The following MGST1 variants were observed in gnomAD, a reference collection of about 807,000 sequenced individuals.
MGST1 encodes glutathione S-transferase 12.
A neutral mutation model predicts 8.9 loss-of-function variants in MGST1; 5 were observed. The ratio of observed to expected loss-of-function variants is 0.56; its 90% CI spans 0.29 to 1.19. The LOEUF (loss-of-function observed/expected upper bound fraction) is 1.19. Ranked by LOEUF, MGST1 falls within the 50% of genes most tolerant of loss-of-function variation. The probability of loss-of-function intolerance (pLI) is 0.08; values close to 1 mark genes in which losing one functional copy is unlikely to be tolerated. For missense variants in MGST1, 182 were observed against 187.4 expected, an observed-to-expected ratio of 0.97 and a Z score of 0.17; for synonymous variants, 54 against 67.8, an observed-to-expected ratio of 0.80 and a Z score of 1.00.
At chr12:16,542,304 A>G (rs1041620186) in intron 4 of MGST1, among the ~76,000 whole-genome samples, 2 of 152,190 alleles carry the variant, frequency 1.3e-5, no homozygotes, top group Non-Finnish European at 2.9e-5. Context: ...AAGAAAGAAA[A>G]TATATTGAGT....
intron 1 of MGST1, among the ~76,000 whole-genome samples, chr12:16,411,610 C>T (rs1940743266): frequency 2.0e-5 from 3 of 152,028 alleles, no homozygotes; most frequent in African/African-American, 7.2e-5. Flanking sequence ...AAGGGCTGTA[C>T]AAATGGTGGG....
Position 16,401,152 on chromosome 12 carries a change from T to G in MGST1, n.778+17548T>G. 1 of 1,563,944 alleles carries G rather than the reference T, an allele frequency of 6.4e-7. No homozygotes were observed. The highest frequency in any genetic ancestry group is 1.7e-5 in the Admixed American group (1 of 59,788). On this transcript the variant is annotated intron_variant and non_coding_transcript_variant, in intron 1 of 1. Coordinates refer to the MGST1 transcript ENST00000359720. This position sits in a 1 kb window ranked among gnomAD's most constrained non-coding sequence, Gnocchi z 4.3. ...TAGGAAAATACCCACATTCTTCACT[T>G]TCTTCTTCACAGAAGTGAGAACAGT...
At chr12:16,461,603 C>T (rs1425016157) in intron 4 of MGST1, among the ~76,000 whole-genome samples, 1 of 152,068 alleles carries the variant, frequency 6.6e-6, no homozygotes, top group African/African-American at 2.4e-5. Flanking sequence ...TCTAAATAAA[C>T]ATGAGAAGGG....
At chr12:16,479,641 C>T (rs905930796) in intron 4 of MGST1, among the ~76,000 whole-genome samples, 11 of 151,654 alleles carry the variant, frequency 7.3e-5, no homozygotes, top group Admixed American at 6.6e-4. Flanking sequence ...TCAAGCCATC[C>T]TCCCACCTCA....
At chr12:16,471,470 G>A (rs1203745674) in intron 4 of MGST1, among the ~76,000 whole-genome samples, 1 of 152,158 alleles carries the variant, frequency 6.6e-6, no homozygotes, top group African/African-American at 2.4e-5. Flanking sequence ...TATGCTTAAT[G>A]ATCTATGGTA....
intron 4 of MGST1, among the ~76,000 whole-genome samples, chr12:16,543,280 TCAAAA>T: frequency 6.6e-6 from 1 of 152,230 alleles, no homozygotes; most frequent in Middle Eastern, 3.4e-3. Flanking sequence ...TACATGGAAC[TCAAAA>T]CAAATTTTTT....
chr12:16,501,194 T>C (rs573041001), intron 4 of MGST1, among the ~76,000 whole-genome samples: 1 of 152,302 alleles, frequency 6.6e-6, no homozygotes, highest in East Asian at 1.9e-4. Context: ...TGAACTTCCT[T>C]GTGACATGTA....
intron 4 of MGST1, among the ~76,000 whole-genome samples, chr12:16,529,509 C>T (rs1406414286): frequency 2.6e-5 from 4 of 151,978 alleles, no homozygotes; most frequent in South Asian, 2.1e-4. Flanking sequence ...ATTTCATTGT[C>T]GTTTTAAATT....
intron 4 of MGST1, among the ~76,000 whole-genome samples, chr12:16,485,085 C>A (rs145123926): frequency 2.0e-5 from 3 of 152,176 alleles, no homozygotes; most frequent in African/African-American, 4.8e-5. Context: ...TTATTGTATT[C>A]CCTCAGCTGT....
rs763251164 is a variant in MGST1 at position 16,503,054 on chromosome 12, A to G, written n.483-86474A>G. On this transcript the variant is annotated intron_variant and non_coding_transcript_variant, in intron 4 of 4. Coordinates refer to the MGST1 transcript ENST00000538857. This position sits in a 1 kb window ranked among gnomAD's most constrained non-coding sequence, Gnocchi z 4.8. ...GAATATGAATGACAAGTCAAATACAATCTCTGAGGGTGGAAGATGCAGGGT... is the reference window on the plus strand; with the variant it reads ...GAATATGAATGACAAGTCAAATACAGTCTCTGAGGGTGGAAGATGCAGGGT... 2.6e-5 allele frequency among the ~76,000 whole-genome samples: 4 copies of G among 152,198 alleles called. No homozygotes were observed. Among genetic ancestry groups the G allele is most frequent in the South Asian group, 4.1e-4 (2 of 4,832 alleles).
chr12:16,433,112 C>A (rs1328032766), intron 1 of MGST1, among the ~76,000 whole-genome samples: 1 of 152,038 alleles, frequency 6.6e-6, no homozygotes, highest in Non-Finnish European at 1.5e-5. Context: ...AGTCCAAGTC[C>A]CAAAACTGAA....
rs1461082152 is a variant in MGST1, at chr12:16,560,619, C to G, written n.483-28909C>G. 1 of 1,222,248 alleles carries G rather than the reference C, an allele frequency of 8.2e-7. No homozygotes were observed. The highest frequency in any genetic ancestry group is 1.5e-5 in the African/African-American group (1 of 66,206). 75.7% of individuals were successfully genotyped at this position (1,222,248 alleles called of 1,614,324 possible). A position where few individuals can be genotyped will look rare whatever the true frequency, so the allele number is the denominator to read the frequency against. ...CGTGAAGAGAGATGATGTTAATATACTCTGTAAAGCTACAATACACAATGC... is the reference window on the plus strand; with the variant it reads ...CGTGAAGAGAGATGATGTTAATATAGTCTGTAAAGCTACAATACACAATGC... On this transcript the variant is annotated intron_variant and non_coding_transcript_variant, in intron 4 of 4. Coordinates refer to the MGST1 transcript ENST00000538857. This position sits in a 1 kb window ranked among gnomAD's most constrained non-coding sequence, Gnocchi z 5.0.
chr12:16,557,698 A>C (rs988232969), intron 4 of MGST1, among the ~76,000 whole-genome samples: 1 of 152,066 alleles, frequency 6.6e-6, no homozygotes, highest in African/African-American at 2.4e-5. Flanking sequence ...ACTTTTGAGA[A>C]CCAGTTGTGT....
At chr12:16,468,735 G>C (rs1309574761) in intron 4 of MGST1, among the ~76,000 whole-genome samples, 1 of 152,230 alleles carries the variant, frequency 6.6e-6, no homozygotes, top group East Asian at 1.9e-4. Flanking sequence ...CTTAAGGCAA[G>C]ACTGCTAATT....
rs890110468 is a variant in MGST1 at position 16,560,945 on chromosome 12, TTTTGAC to T, written n.483-28582_483-28577del. Among the ~76,000 whole-genome samples, 189 of 152,304 alleles carry T rather than the reference TTTTGAC, an allele frequency of 1.2e-3. No homozygotes were observed. Among genetic ancestry groups the T allele is most frequent in the African/African-American group, 4.0e-3 (168 of 41,570 alleles). ...ACCAACTAATGAATGATTCACTACTTTTTGACATTTAGTTACTAAAAGGTTTGCCAT... is the reference window on the plus strand; with the variant it reads ...ACCAACTAATGAATGATTCACTACTTATTTAGTTACTAAAAGGTTTGCCAT... On this transcript the variant is annotated intron_variant and non_coding_transcript_variant, in intron 4 of 4. Transcript: ENST00000538857. This position sits in a 1 kb window ranked among gnomAD's most constrained non-coding sequence, Gnocchi z 5.0.
chr12:16,519,262 C>T (rs578161658), intron 4 of MGST1, among the ~76,000 whole-genome samples: 1 of 152,298 alleles, frequency 6.6e-6, no homozygotes, highest in South Asian at 2.1e-4. Context: ...CAGTTATTGA[C>T]TTATAACTAC....
Position 16,497,044 on chromosome 12 carries a change from G to C in MGST1, n.483-92484G>C, listed in dbSNP as rs1484448632. Among the ~76,000 whole-genome samples the C allele has an allele frequency of 6.6e-6, 1 of 152,144 alleles. No individual in the cohort carries two copies. Among genetic ancestry groups the C allele is most frequent in the African/African-American group, 2.4e-5 (1 of 41,442 alleles). ...TGGATTATAGAAAGGGAATAACTTAGATGCTGTTATCTAAGAATAAGCTTT... is the reference window on the plus strand; with the variant it reads ...TGGATTATAGAAAGGGAATAACTTACATGCTGTTATCTAAGAATAAGCTTT... On this transcript the variant is annotated intron_variant and non_coding_transcript_variant, in intron 4 of 4. Coordinates refer to the MGST1 transcript ENST00000538857. The surrounding 1 kb of genome is among the most constrained non-coding windows in gnomAD (Gnocchi z 4.4).
intron 4 of MGST1, among the ~76,000 whole-genome samples, chr12:16,524,663 G>T (rs1271136835): frequency 6.6e-6 from 1 of 151,990 alleles, no homozygotes; most frequent in Non-Finnish European, 1.5e-5. Flanking sequence ...CACTTTGTTT[G>T]TTCAACCTAA....
chr12:16,583,065 A>AC (rs1188274303), intron 4 of MGST1, among the ~76,000 whole-genome samples: 2 of 144,360 alleles, frequency 1.4e-5, no homozygotes, highest in African/African-American at 2.6e-5. Flanking sequence ...AAAAAAAAAA[A>AC]ATCTAAACTG....
Sources: allele counts gnomAD v4.1 joint callset (sites outside exome capture counted in the v4.1 genomes callset), GRCh38; gene constraint gnomAD v4.1.1; non-coding constraint Gnocchi (gnomAD v3.1); transcripts MANE v1.5; gene names NCBI Gene and HGNC (gene_info 2026-07-23, HGNC 2026-07-21).